The following NPR3 variants were observed in gnomAD, a reference collection of about 807,000 sequenced individuals.
NPR3 encodes the protein natriuretic peptide receptor 3.
In NPR3, 34 loss-of-function variants were observed where a neutral mutation model predicts 54.5. That is an observed-to-expected ratio of 0.62 (90% CI 0.47 to 0.83). NPR3 has a LOEUF of 0.83. Among genes scored for constraint, NPR3 ranks in the 40% least tolerant of loss-of-function variants. The probability of loss-of-function intolerance (pLI) is 0.00; values close to 1 mark genes in which losing one functional copy is unlikely to be tolerated. For missense variants in NPR3, 674 were observed against 720.8 expected, an observed-to-expected ratio of 0.94 and a Z score of 0.74; for synonymous variants, 289 against 297.1, an observed-to-expected ratio of 0.97 and a Z score of 0.28.
chr5:32,714,981 G>A (rs1281080960), intron 1 of NPR3, among the ~76,000 whole-genome samples: 1 of 152,194 alleles, frequency 6.6e-6, no homozygotes, highest in Non-Finnish European at 1.5e-5. Context: ...GGTTACAGAA[G>A]CTAACCCAGG....
intron 3 of NPR3, among the ~76,000 whole-genome samples, chr5:32,744,032 C>T (rs1044916314): frequency 2.4e-5 from 3 of 124,984 alleles, no homozygotes; most frequent in African/African-American, 9.5e-5. Context: ...CTTGCTCTGT[C>T]GCCAGGCTGG....
intron 6 of NPR3, chr5:32,783,285 G>A (rs1037035235): frequency 6.7e-5 from 23 of 343,232 alleles, no homozygotes; most frequent in Non-Finnish European, 1.1e-4. Flanking sequence ...GCTAGGTCAT[G>A]TTTCCACTTT....
intron 3 of NPR3, among the ~76,000 whole-genome samples, chr5:32,752,481 C>G (rs1416852014): frequency 6.6e-6 from 1 of 152,118 alleles, no homozygotes; most frequent in Non-Finnish European, 1.5e-5. Context: ...GCCCTTCCAG[C>G]GAGACTGCAA....
chr5:32,728,848 T>TATAC lies in NPR3; in HGVS notation c.892+4031_892+4032insCATA, dbSNP rs1554014358. On this transcript the variant is annotated intron_variant, in intron 2 of 7. Coordinates refer to ENST00000265074, the MANE Select transcript of NPR3 (RefSeq NM_001204375.2). ...GTGTGTGTGTGTGTGTATATATATA[T>TATAC]ATATATATATATATATATATATATA... is the stretch of plus-strand genomic sequence containing the variant. Among the ~76,000 whole-genome samples, 319 of 117,442 alleles carry TATAC rather than the reference T, an allele frequency of 2.7e-3. 5 individuals carry two copies. The highest frequency in any genetic ancestry group is 4.6e-3 in the Non-Finnish European group (268 of 58,826). 77.0% of individuals were successfully genotyped at this position (117,442 alleles called of 152,430 possible). A position where few individuals can be genotyped will look rare whatever the true frequency, so the allele number is the denominator to read the frequency against.
intron 3 of NPR3, among the ~76,000 whole-genome samples, chr5:32,742,123 T>C (rs1411288700): frequency 2.6e-5 from 4 of 151,996 alleles, no homozygotes; most frequent in Non-Finnish European, 5.9e-5. Context: ...ATGAGTTGTC[T>C]CATCTGCTTA....
rs555298854 is a variant in NPR3, at chr5:32,764,834, A to G, written c.1060-9874A>G. Among the ~76,000 whole-genome samples, 69 of 148,788 alleles carry G rather than the reference A, an allele frequency of 4.6e-4. 1 individual carries two copies. Among genetic ancestry groups the G allele is most frequent in the African/African-American group, 1.6e-3 (66 of 40,318 alleles). ...AAAAAAAAGAATTTGTCCAGGATAT[A>G]GAATTATTTTTGGAGAGAGTTAATC... On this transcript the variant is annotated intron_variant, in intron 3 of 7. Transcript: ENST00000265074.
At chr5:32,744,783 G>A (rs764112331) in intron 3 of NPR3, among the ~76,000 whole-genome samples, 5 of 152,068 alleles carry the variant, frequency 3.3e-5, no homozygotes, top group Non-Finnish European at 5.9e-5. Flanking sequence ...CATGGTGCTC[G>A]GTTCCTCTGC....
At chr5:32,768,012 A>G (rs978149964) in intron 3 of NPR3, among the ~76,000 whole-genome samples, 2 of 152,058 alleles carry the variant, frequency 1.3e-5, no homozygotes, top group African/African-American at 4.8e-5. Context: ...TCCTGTTTGT[A>G]TTGCTGCCCG....
Position 32,774,735 on chromosome 5 carries a change from G to A in NPR3, c.1087G>A (p.Asp363Asn), listed in dbSNP as rs753947512. The A allele has an allele frequency of 5.0e-6, 8 of 1,610,716 alleles. No individual in the cohort carries two copies. The Admixed American group carries it at 6.7e-5, about 13-fold the overall frequency. The part of the protein sequence containing the change: ...YVNMFVEGFH[D>N]AILLYVLALH... ...TAACATGTTTGTTGAAGGATTCCAC[G>A]ATGCCATCCTCCTCTACGTCTTGGC... is the stretch of plus-strand genomic sequence containing the variant. The change falls in exon 4 of 8, where the codon GAT (aspartate) becomes AAT (asparagine). Residue 363 changes from aspartate to asparagine, a missense_variant. By Grantham distance (23) the Asp-to-Asn change is conservative. Transcript: ENST00000265074.
chr5:32,730,387 A>G (rs1296705182), intron 2 of NPR3, among the ~76,000 whole-genome samples: 1 of 152,214 alleles, frequency 6.6e-6, no homozygotes, highest in Non-Finnish European at 1.5e-5. Context: ...ATGGTGAAAG[A>G]CTGAATGCTT....
intron 3 of NPR3, among the ~76,000 whole-genome samples, chr5:32,740,095 C>T (rs1239359467): frequency 2.0e-5 from 3 of 152,176 alleles, no homozygotes; most frequent in Admixed American, 6.5e-5. Flanking sequence ...ATAGTCTCTG[C>T]CCAAGTTGGA....
chr5:32,758,180 C>A (rs1334483552), intron 3 of NPR3, among the ~76,000 whole-genome samples: 2 of 151,988 alleles, frequency 1.3e-5, no homozygotes, highest in African/African-American at 2.4e-5. Context: ...AGGAATGGTA[C>A]CAGTTCCTCC....
chr5:32,728,974 T>G (rs1739300897), intron 2 of NPR3, among the ~76,000 whole-genome samples: 1 of 147,874 alleles, frequency 6.8e-6, no homozygotes, highest in Non-Finnish European at 1.5e-5. Context: ...TAATTTTATT[T>G]TATTCCCTGA....
chr5:32,775,393 T>C (rs1741991655), intron 4 of NPR3, among the ~76,000 whole-genome samples: 1 of 151,464 alleles, frequency 6.6e-6, no homozygotes, highest in Non-Finnish European at 1.5e-5. Flanking sequence ...CTACTAGGTT[T>C]AAATGATTTA....
chr5:32,721,975 C>T (rs1738888293), intron 1 of NPR3, among the ~76,000 whole-genome samples: 1 of 152,112 alleles, frequency 6.6e-6, no homozygotes, highest in South Asian at 2.1e-4. Context: ...TCTTAGGGGA[C>T]CCAACCTGGT....
intron 3 of NPR3, among the ~76,000 whole-genome samples, chr5:32,770,491 A>G (rs890408587): frequency 1.3e-5 from 2 of 152,178 alleles, no homozygotes; most frequent in African/African-American, 4.8e-5. Context: ...AACGAGAGTT[A>G]GCGCCCTCTT....
At chr5:32,775,621 G>A (rs1195317612) in intron 4 of NPR3, among the ~76,000 whole-genome samples, 1 of 151,008 alleles carries the variant, frequency 6.6e-6, no homozygotes, top group Admixed American at 6.6e-5. Flanking sequence ...TTTTGAGATG[G>A]AGTCTCGCTC....
chr5:32,711,619 A>C lies in NPR3; in HGVS notation c.-158A>C, dbSNP rs897895547. The C allele has an allele frequency of 2.8e-5, 35 of 1,251,032 alleles. No individual in the cohort carries two copies. The African/African-American group carries it at 5.2e-4, about 19-fold the overall frequency. 77.5% of individuals were successfully genotyped at this position (1,251,032 alleles called of 1,614,324 possible). On this transcript the variant is annotated 5_prime_UTR_variant, in exon 1 of 8. Coordinates refer to ENST00000265074, the MANE Select transcript of NPR3 (RefSeq NM_001204375.2). ...TTGCAGAGAAGGACGCTTCCTCTCT[A>C]TCTTTTGGCGCATTAGTGAAGGGGG...
At chr5:32,781,933 G>A (rs1031472073) in intron 5 of NPR3, among the ~76,000 whole-genome samples, 1 of 152,176 alleles carries the variant, frequency 6.6e-6, no homozygotes, top group African/African-American at 2.4e-5. Flanking sequence ...CAGGAGAAGG[G>A]GAGATGTCAC....
Sources: allele counts gnomAD v4.1 joint callset (sites outside exome capture counted in the v4.1 genomes callset), GRCh38; gene constraint gnomAD v4.1.1; transcripts MANE v1.5; gene names NCBI Gene and HGNC (gene_info 2026-07-23, HGNC 2026-07-21).